SLC44A1: variants seen among roughly 807,000 people sequenced by gnomAD.
The protein encoded by SLC44A1 is solute carrier family 44 member 1.
In SLC44A1, 26 loss-of-function variants were observed where a neutral mutation model predicts 79.3. The ratio of observed to expected loss-of-function variants is 0.33; its 90% CI spans 0.24 to 0.46. The LOEUF (loss-of-function observed/expected upper bound fraction) is 0.46. Ranked by LOEUF, SLC44A1 falls within the 20% of genes least tolerant of loss-of-function variation. The probability of loss-of-function intolerance (pLI) is 1.00; values close to 1 mark genes in which losing one functional copy is unlikely to be tolerated. For missense variants in SLC44A1, 688 were observed against 798.1 expected, an observed-to-expected ratio of 0.86 and a Z score of 1.66; for synonymous variants, 263 against 286.2, an observed-to-expected ratio of 0.92 and a Z score of 0.82.
At chr9:105,247,364 C>G (rs935565956) in intron 1 of SLC44A1, among the ~76,000 whole-genome samples, 5 of 152,162 alleles carry the variant, frequency 3.3e-5, no homozygotes, top group Non-Finnish European at 5.9e-5. Flanking sequence ...GTGGTGCGAT[C>G]TCAGCTCACT....
intron 4 of SLC44A1, among the ~76,000 whole-genome samples, chr9:105,337,345 A>G (rs1238155824): frequency 6.6e-6 from 1 of 152,192 alleles, no homozygotes; most frequent in Non-Finnish European, 1.5e-5. Context: ...TGAAATAGGG[A>G]CGATATTCGT....
chr9:105,433,946 A>G (rs565434824), intron 15 of SLC44A1, among the ~76,000 whole-genome samples: 8 of 152,354 alleles, frequency 5.3e-5, no homozygotes, highest in Admixed American at 4.6e-4. Flanking sequence ...ACAAAGAGAA[A>G]GACAACAACA....
intron 4 of SLC44A1, among the ~76,000 whole-genome samples, chr9:105,339,224 T>C (rs1192277323): frequency 6.6e-6 from 1 of 150,980 alleles, no homozygotes; most frequent in African/African-American, 2.4e-5. Context: ...TATCTGAAGA[T>C]CTACTATAAA....
intron 15 of SLC44A1, among the ~76,000 whole-genome samples, chr9:105,433,020 C>A (rs1380985497): frequency 6.6e-6 from 1 of 152,078 alleles, no homozygotes; most frequent in East Asian, 1.9e-4. Flanking sequence ...AATCGCCGGG[C>A]GTGGTGGCTT....
chr9:105,421,582 CTTTTT>C (rs1056443918), intron 15 of SLC44A1, among the ~76,000 whole-genome samples: 3 of 130,190 alleles, frequency 2.3e-5, no homozygotes, highest in Non-Finnish European at 3.3e-5. Context: ...TCAGAAATCT[CTTTTT>C]TTTTTTTTTT....
intron 15 of SLC44A1, among the ~76,000 whole-genome samples, chr9:105,418,730 G>C (rs1381824969): frequency 6.6e-6 from 1 of 152,214 alleles, no homozygotes; most frequent in African/African-American, 2.4e-5. Context: ...CAGTTGCACA[G>C]ATAAGCAGCT....
rs1828825128 is a variant in SLC44A1 at position 105,394,158 on chromosome 9, A to G, written c.*5102A>G. 1.0e-6 allele frequency: 1 copy of G among 985,194 alleles called. No individual in the cohort carries two copies. The highest frequency in any genetic ancestry group is 1.2e-6 in the Non-Finnish European group (1 of 829,906). The allele number at this position is 985,194 out of a possible 1,614,324, so 61.0% of individuals were successfully genotyped here. ...CCTGTACCCCCTCAGGGGCTAATGA[A>G]CCCAAGTCAAAAGGCTGCTCTAAAG... On this transcript the variant is annotated 3_prime_UTR_variant, in exon 16 of 16. Coordinates refer to ENST00000374720, the MANE Select transcript of SLC44A1 (RefSeq NM_080546.5).
intron 1 of SLC44A1, among the ~76,000 whole-genome samples, chr9:105,252,460 G>A (rs577323132): frequency 2.0e-5 from 3 of 152,198 alleles, no homozygotes; most frequent in South Asian, 4.1e-4. Flanking sequence ...ATTTTAAAAC[G>A]ATTCTTCTTT....
intron 4 of SLC44A1, among the ~76,000 whole-genome samples, chr9:105,335,965 T>C (rs924521737): frequency 7.9e-5 from 12 of 152,188 alleles, no homozygotes; most frequent in African/African-American, 2.9e-4. Flanking sequence ...GTGACTTTGA[T>C]GTAGTCTATC....
chr9:105,304,456 A>G (rs1237007866), intron 2 of SLC44A1, among the ~76,000 whole-genome samples: 1 of 152,178 alleles, frequency 6.6e-6, no homozygotes, highest in African/African-American at 2.4e-5. Flanking sequence ...AGTATTTACC[A>G]TTTTAACCAT....
At chr9:105,329,182 T>G (rs1826675074) in intron 3 of SLC44A1, among the ~76,000 whole-genome samples, 1 of 152,188 alleles carries the variant, frequency 6.6e-6, no homozygotes, top group East Asian at 1.9e-4. Flanking sequence ...GGCAACACTC[T>G]CTGTGGAAAG....
chr9:105,299,115 C>A, intron 1 of SLC44A1, 105 bp from the exon 2 acceptor site: 1 of 765,900 alleles, frequency 1.3e-6, no homozygotes, highest in Non-Finnish European at 2.1e-6. Context: ...TCAATAGAAA[C>A]TTGTTTGGCA....
chr9:105,365,745 C>A, intron 11 of SLC44A1, 106 bp downstream of exon 11: 13 of 1,209,200 alleles, frequency 1.1e-5, no homozygotes, highest in Non-Finnish European at 1.5e-5. Context: ...GTGTTTTCTT[C>A]AAAGTCTTTA....
At chr9:105,259,511 A>G (rs186211110) in intron 1 of SLC44A1, among the ~76,000 whole-genome samples, 159 of 152,354 alleles carry the variant, frequency 1.0e-3, no homozygotes, top group Non-Finnish European at 1.6e-3. Flanking sequence ...GATTCCTACC[A>G]TCAGAGCAAG....
chr9:105,408,534 T>C (rs1393248444), intron 15 of SLC44A1, among the ~76,000 whole-genome samples: 1 of 152,054 alleles, frequency 6.6e-6, no homozygotes, highest in Non-Finnish European at 1.5e-5. Context: ...CTCAGCCTCC[T>C]GAGTAGCTGG....
intron 7 of SLC44A1, 97 bp from the exon 8 acceptor site, chr9:105,361,094 A>G (rs1006324650): frequency 1.7e-6 from 2 of 1,199,834 alleles, no homozygotes; most frequent in African/African-American, 1.5e-5. Context: ...CATTAGTCCC[A>G]TGATGATCTG....
downstream of SLC44A1, among the ~76,000 whole-genome samples, chr9:105,399,771 G>T (rs1387935902): frequency 2.0e-5 from 3 of 152,080 alleles, no homozygotes; most frequent in African/African-American, 7.2e-5. Context: ...CTCAAGCAAT[G>T]CATGATCTCA....
At chr9:105,366,245 G>A (rs112337327) in intron 11 of SLC44A1, 101 bp from the exon 12 acceptor site, 2 of 529,350 alleles carry the variant, frequency 3.8e-6, no homozygotes, top group South Asian at 4.3e-5. Flanking sequence ...AGCATAAATT[G>A]TGATTTTTAA....
At chr9:105,377,180 T>C (rs1004004247) in intron 13 of SLC44A1, among the ~76,000 whole-genome samples, 1 of 152,152 alleles carries the variant, frequency 6.6e-6, no homozygotes, top group Non-Finnish European at 1.5e-5. Flanking sequence ...TAATAGTCAA[T>C]AGACTGTTAT....
Sources: allele counts gnomAD v4.1 joint callset (sites outside exome capture counted in the v4.1 genomes callset), GRCh38; gene constraint gnomAD v4.1.1; transcripts MANE v1.5; gene names NCBI Gene and HGNC (gene_info 2026-07-23, HGNC 2026-07-21).